CACNA2D4: variants seen among roughly 807,000 people sequenced by gnomAD.
The protein encoded by CACNA2D4 is voltage-dependent calcium channel subunit alpha-2/delta-4.
CACNA2D4 carries 157 observed loss-of-function variants against 163.8 expected under a neutral mutation model. The observed-to-expected ratio is 0.96, with a 90% CI of 0.84 to 1.09. CACNA2D4 has a LOEUF of 1.09. Among genes scored for constraint, CACNA2D4 ranks in the 50% least tolerant of loss-of-function variants. The pLI is 0.00. For missense variants in CACNA2D4, 1,410 were observed against 1,479.9 expected (o/e 0.95, Z 0.78); for synonymous variants, 598 against 586.9 (o/e 1.02, Z -0.27).
intron 4 of CACNA2D4, among the ~76,000 whole-genome samples, chr12:1,909,459 G>T (rs578011889): frequency 2.1e-4 from 32 of 152,378 alleles, no homozygotes; most frequent in African/African-American, 7.5e-4. Flanking sequence ...CTCCCAAAGT[G>T]CTGGGATTAC....
chr12:1,818,657 T>C (rs1480199501), intron 26 of CACNA2D4, among the ~76,000 whole-genome samples: 2 of 150,886 alleles, frequency 1.3e-5, no homozygotes, highest in African/African-American at 4.9e-5. Flanking sequence ...GTCCTCTGCC[T>C]AGGAAAACCA....
chr12:1,796,023 C>T, intron 35 of CACNA2D4: 1 of 552,984 alleles, frequency 1.8e-6, no homozygotes, highest in Non-Finnish European at 3.3e-6. Context: ...GTGAGGAAGT[C>T]CAAACTGGGC....
chr12:1,822,959 A>T (rs565615280), intron 26 of CACNA2D4, among the ~76,000 whole-genome samples: 1 of 152,194 alleles, frequency 6.6e-6, no homozygotes, highest in Non-Finnish European at 1.5e-5. Context: ...CGGCCCCTGC[A>T]GGCCCAGGGT....
rs1202827473 is a variant in CACNA2D4 at position 1,887,023 on chromosome 12, G to T, written c.828C>A (p.Cys276Ter). 1 of 1,591,566 alleles carries T rather than the reference G, an allele frequency of 6.3e-7. No homozygotes were observed. Among genetic ancestry groups the T allele is most frequent in the Admixed American group, 1.7e-5 (1 of 58,432 alleles). ...TGAGCTCTTACCAGCCGCGGTTTCG[G>T]CAGTCAAAAGTAATGACTCCATTCT... ...PDENGVITFD[C>*]RNRGWYIQAA... is the part of the protein sequence containing the mutation. Residue 276 changes from cysteine to a stop codon, truncating the protein, a stop_gained, in exon 7 of 38, where the codon TGC becomes TGA. Coordinates refer to ENST00000382722, the MANE Select transcript of CACNA2D4 (RefSeq NM_172364.5). LOFTEE classifies it high-confidence loss of function.
chr12:1,894,805 C>T (rs573401999), intron 6 of CACNA2D4, among the ~76,000 whole-genome samples: 56 of 152,224 alleles, frequency 3.7e-4, no homozygotes, highest in African/African-American at 1.3e-3. Flanking sequence ...AATCTGAAAG[C>T]CTTTCTTCTA....
At chr12:1,892,798 T>C (rs1204135455) in intron 6 of CACNA2D4, among the ~76,000 whole-genome samples, 1 of 152,080 alleles carries the variant, frequency 6.6e-6, no homozygotes, top group Non-Finnish European at 1.5e-5. Flanking sequence ...AAAAAAGATA[T>C]TCCACGCAAA....
chr12:1,881,472 G>C (rs1425914865), intron 13 of CACNA2D4, among the ~76,000 whole-genome samples: 2 of 152,348 alleles, frequency 1.3e-5, no homozygotes, highest in East Asian at 1.9e-4. Context: ...AGCTCCCGTG[G>C]CATGACCACA....
intron 23 of CACNA2D4, among the ~76,000 whole-genome samples, chr12:1,853,309 C>A (rs1207629443): frequency 2.6e-5 from 4 of 152,108 alleles, no homozygotes; most frequent in African/African-American, 9.7e-5. Context: ...AGGAGACTGT[C>A]CCTATAAAAT....
chr12:1,859,542 A>G (rs1210816966), intron 19 of CACNA2D4, among the ~76,000 whole-genome samples: 1 of 152,224 alleles, frequency 6.6e-6, no homozygotes, highest in Non-Finnish European at 1.5e-5. Context: ...GTTGCACGGA[A>G]CCTGAGATCT....
At chr12:1,857,232 C>T (rs1419672447) in intron 20 of CACNA2D4, among the ~76,000 whole-genome samples, 1 of 152,176 alleles carries the variant, frequency 6.6e-6, no homozygotes, top group Non-Finnish European at 1.5e-5. Context: ...TAGTGCCTGA[C>T]TCAGTCCAGG....
Position 1,909,564 on chromosome 12 carries a change from TC to T in CACNA2D4, c.486+341del, listed in dbSNP as rs1866763031. ...CTTTTCCAGGCCCTGCCTGCCTAAA[TC>T]CCCCATGAGCCCTGGGCGCAGCCCC... is the stretch of plus-strand genomic sequence containing the variant. On this transcript the variant is annotated intron_variant, in intron 4 of 37. Transcript: ENST00000382722. Among the ~76,000 whole-genome samples the T allele has an allele frequency of 2.0e-5, 3 of 152,278 alleles. No individual in the cohort carries two copies. In the South Asian group the frequency reaches 6.2e-4, roughly 32 times the overall value.
intron 18 of CACNA2D4, among the ~76,000 whole-genome samples, chr12:1,871,282 CACCTGTATGTTGCTGGTGTGTGTGTAT>C (rs1199332181): frequency 7.3e-6 from 1 of 136,416 alleles, no homozygotes; most frequent in Admixed American, 7.5e-5. Context: ...TGTGTGTGTA[CACCTGTATGTTGCTGGTGTGTGTGTAT>C]ACGTGTGTGC....
intron 13 of CACNA2D4, among the ~76,000 whole-genome samples, chr12:1,881,617 T>C (rs1329840548): frequency 6.6e-6 from 1 of 152,122 alleles, no homozygotes; most frequent in Non-Finnish European, 1.5e-5. Flanking sequence ...GGAAGACAGC[T>C]CAAAGAAGAT....
intron 13 of CACNA2D4, among the ~76,000 whole-genome samples, chr12:1,880,713 T>C (rs908516858): frequency 1.9e-4 from 29 of 152,274 alleles, no homozygotes; most frequent in South Asian, 6.2e-4. Flanking sequence ...CCACCACGTC[T>C]CTTTCTCTCA....
chr12:1,802,820 G>A lies in CACNA2D4; in HGVS notation c.2722-1176C>T, dbSNP rs1046341095. On this transcript the variant is annotated intron_variant, in intron 29 of 37. Coordinates refer to ENST00000382722, the MANE Select transcript of CACNA2D4 (RefSeq NM_172364.5). This position sits in a 1 kb window ranked among gnomAD's most constrained non-coding sequence, Gnocchi z 4.7. ...AAGTCTTTCTATTCTAACTTTCCCA[G>A]CCAGAACAAGGCCTTCCTCTGCACA... Among the ~76,000 whole-genome samples the A allele has an allele frequency of 8.5e-5, 13 of 152,240 alleles. No individual in the cohort carries two copies. The East Asian group carries it at 9.6e-4, about 11-fold the overall frequency.
rs1379756499 is a variant in CACNA2D4 at position 1,809,015 on chromosome 12, T to C, written c.2721+1263A>G. ...GCCCACACTCCCACCAACAGGAAGT[T>C]GAACGAAACCATCTTTGGCTTCTCT... On this transcript the variant is annotated intron_variant, in intron 29 of 37. Transcript: ENST00000382722. Among the ~76,000 whole-genome samples, 3 of 152,312 alleles carry C rather than the reference T, an allele frequency of 2.0e-5. No individual in the cohort carries two copies. In the East Asian group the frequency reaches 5.8e-4, roughly 29 times the overall value.
rs549263426 is a variant in CACNA2D4 at position 1,871,710 on chromosome 12, G to A, written c.1878+2894C>T. On this transcript the variant is annotated intron_variant, in intron 18 of 37. Coordinates refer to ENST00000382722, the MANE Select transcript of CACNA2D4 (RefSeq NM_172364.5). ...GTGCTGCTGGTGTGTGTGTACACGT[G>A]TATGCAACTGGCATGTGTGTACAAT... 5.9e-5 allele frequency among the ~76,000 whole-genome samples: 9 copies of A among 152,208 alleles called. No individual in the cohort carries two copies. The South Asian group carries it at 1.9e-3, about 32-fold the overall frequency.
chr12:1,811,805 G>T, intron 26 of CACNA2D4, 82 bp from the exon 27 acceptor site: 1 of 1,342,790 alleles, frequency 7.4e-7, no homozygotes, highest in Non-Finnish European at 1.0e-6. Flanking sequence ...GAGAGGAGGT[G>T]CTTCCGCAGG....
chr12:1,869,893 C>G lies in CACNA2D4; in HGVS notation c.1878+4711G>C, dbSNP rs1374425161. ...TAATTCTAACAGCTGGGTCATAACACTTTTTATTATATACTGGATATTTGA... is the reference window on the plus strand; with the variant it reads ...TAATTCTAACAGCTGGGTCATAACAGTTTTTATTATATACTGGATATTTGA... On this transcript the variant is annotated intron_variant, in intron 18 of 37. Coordinates refer to ENST00000382722, the MANE Select transcript of CACNA2D4 (RefSeq NM_172364.5). This position sits in a 1 kb window ranked among gnomAD's most constrained non-coding sequence, Gnocchi z 4.7. Among the ~76,000 whole-genome samples the G allele has an allele frequency of 6.6e-6, 1 of 152,218 alleles. No homozygotes were observed. The highest frequency in any genetic ancestry group is 2.4e-5 in the African/African-American group (1 of 41,446).
Sources: gnomAD v4.1 joint callset for allele counts (sites outside exome capture counted in the v4.1 genomes callset) on GRCh38, gnomAD v4.1.1 for gene constraint, Gnocchi (gnomAD v3.1) non-coding constraint, MANE v1.5 for transcripts, NCBI Gene and HGNC (gene_info 2026-07-23, HGNC 2026-07-21) for gene names.